Variants in ANKS1A observed in about 807,000 individuals in gnomAD.
The protein encoded by ANKS1A is ankyrin repeat and SAM domain-containing protein 1A.
Under a neutral mutation model 120.3 loss-of-function variants are expected in ANKS1A, and 55 were observed. That is an observed-to-expected ratio of 0.46 (90% CI 0.37 to 0.57). The LOEUF (loss-of-function observed/expected upper bound fraction) is 0.57. ANKS1A is among the 20% of genes least tolerant of loss of function. The pLI is 0.00. For missense variants in ANKS1A, 1,123 were observed against 1,480.3 expected (o/e 0.76, Z 3.96); for synonymous variants, 590 against 604.7 (o/e 0.98, Z 0.36).
intron 1 of ANKS1A, among the ~76,000 whole-genome samples, chr6:34,963,518 C>G (rs1561874418): frequency 2.6e-5 from 4 of 152,110 alleles, no homozygotes; most frequent in Admixed American, 2.0e-4. Flanking sequence ...ATTCATTTGT[C>G]CATTGATGGA....
At chr6:35,054,953 T>C (rs1350914170) in intron 12 of ANKS1A, among the ~76,000 whole-genome samples, 1 of 152,214 alleles carries the variant, frequency 6.6e-6, no homozygotes, top group Non-Finnish European at 1.5e-5. Context: ...CTGGCCTGTC[T>C]TCACCTTCAT....
At chr6:35,017,438 A>G (rs1039960926) in intron 10 of ANKS1A, 35 bp from the exon 11 acceptor site, 6 of 1,544,802 alleles carry the variant, frequency 3.9e-6, no homozygotes, top group Non-Finnish European at 5.2e-6. Context: ...GCCACGTTTA[A>G]TTTTTTATTT....
chr6:35,088,882 T>A lies in ANKS1A; in HGVS notation c.*273T>A, dbSNP rs1778146050. On this transcript the variant is annotated 3_prime_UTR_variant, in exon 24 of 24. Coordinates refer to ENST00000360359, the MANE Select transcript of ANKS1A (RefSeq NM_015245.3). The stretch of plus-strand genomic sequence containing the variant: ...TGACTTGTTCAGAACACATTGTTTT[T>A]AACAGAAAAAAAATCTTTTTATAAA... 4.2e-6 allele frequency: 6 copies of A among 1,414,456 alleles called. No homozygotes were observed. In the South Asian group the frequency reaches 9.4e-5, roughly 22 times the overall value. The allele number at this position is 1,414,456 out of a possible 1,614,324, so 87.6% of individuals were successfully genotyped here.
At chr6:35,023,069 C>T (rs1019201457) in intron 11 of ANKS1A, among the ~76,000 whole-genome samples, 12 of 152,124 alleles carry the variant, frequency 7.9e-5, no homozygotes, top group Admixed American at 7.2e-4. Flanking sequence ...ATTAATAGGC[C>T]AAGGGGTTGT....
chr6:35,092,984 G>A (rs1263961072), downstream of ANKS1A, among the ~76,000 whole-genome samples: 1 of 151,944 alleles, frequency 6.6e-6, no homozygotes, highest in Admixed American at 6.6e-5. Context: ...AGTCAGCCAT[G>A]GCCACCCCTG....
intron 1 of ANKS1A, among the ~76,000 whole-genome samples, chr6:34,950,457 G>T (rs1212481956): frequency 6.6e-6 from 1 of 151,932 alleles, no homozygotes; most frequent in African/African-American, 2.4e-5. Flanking sequence ...TTGAACTCCT[G>T]ACCTCAGGTG....
At position 34,889,945 on chromosome 6, in the gene ANKS1A, C is replaced by CA. The variant is rs1766718566; in HGVS notation, c.197+346_197+347insA. On this transcript the variant is annotated intron_variant, in intron 1 of 23. Coordinates refer to ENST00000360359, the MANE Select transcript of ANKS1A (RefSeq NM_015245.3). This position sits in a 1 kb window ranked among gnomAD's most constrained non-coding sequence, Gnocchi z 5.5. ...GCCAATTAAGAGCAAATATGTATAT[C>CA]TTATATATATATATATGAGATCTCC... Among the ~76,000 whole-genome samples, 3 of 151,828 alleles carry CA rather than the reference C, an allele frequency of 2.0e-5. No individual in the cohort carries two copies. Among genetic ancestry groups the CA allele is most frequent in the South Asian group, 2.1e-4 (1 of 4,820 alleles).
At chr6:35,055,065 A>G (rs949093578) in intron 12 of ANKS1A, among the ~76,000 whole-genome samples, 2 of 152,216 alleles carry the variant, frequency 1.3e-5, no homozygotes, top group African/African-American at 4.8e-5. Flanking sequence ...TAGTTCCTCC[A>G]TGGGCTTCTG....
chr6:35,085,233 A>G lies in ANKS1A; in HGVS notation c.3133-533A>G, dbSNP rs1028175046. 6.6e-6 allele frequency among the ~76,000 whole-genome samples: 1 copy of G among 152,162 alleles called. No homozygotes were observed. Among genetic ancestry groups the G allele is most frequent in the African/African-American group, 2.4e-5 (1 of 41,440 alleles). On this transcript the variant is annotated intron_variant, in intron 21 of 23. Transcript: ENST00000360359. The surrounding 1 kb of genome is among the most constrained non-coding windows in gnomAD (Gnocchi z 4.7). ...CTCAGGGGCCACTGTGAGATGGATG[A>G]GGTGGTCCACACAGCACAGTCAGTG...
At chr6:34,935,859 G>A (rs946483954) in intron 1 of ANKS1A, among the ~76,000 whole-genome samples, 1 of 151,602 alleles carries the variant, frequency 6.6e-6, no homozygotes, top group East Asian at 2.0e-4. Flanking sequence ...TCAGGAGATC[G>A]AGACCATCCC....
Position 35,060,193 on chromosome 6 carries a change from T to C in ANKS1A, c.2124T>C (p.Ile708=). 2.5e-6 allele frequency: 4 copies of C among 1,613,016 alleles called. No homozygotes were observed. Among genetic ancestry groups the C allele is most frequent in the Non-Finnish European group, 3.4e-6 (4 of 1,179,788 alleles). ...EQSVGEWLES[I]GLQQYESKLL... ...GTGTCGGGGAGTGGCTGGAGTCGAT[T>C]GGGCTGCAGCAGTATGAGAGCAAGT... is the stretch of plus-strand genomic sequence containing the variant. Residue 708 remains isoleucine, a synonymous_variant, in exon 13 of 24, where the codon ATT becomes ATC. Transcript: ENST00000360359. The surrounding 1 kb of genome is among the most constrained non-coding windows in gnomAD (Gnocchi z 4.5).
At chr6:34,918,946 G>A (rs1768305042) in intron 1 of ANKS1A, among the ~76,000 whole-genome samples, 1 of 152,162 alleles carries the variant, frequency 6.6e-6, no homozygotes, top group Non-Finnish European at 1.5e-5. Context: ...CCGCCTCCCG[G>A]GTTCAAGCGA....
chr6:34,974,963 C>G (rs1771480390), intron 3 of ANKS1A, among the ~76,000 whole-genome samples: 1 of 152,100 alleles, frequency 6.6e-6, no homozygotes, highest in Admixed American at 6.5e-5. Flanking sequence ...ATTGTTTTCC[C>G]AACAGTGGTT....
At chr6:35,015,272 A>G (rs1188595695) in intron 10 of ANKS1A, among the ~76,000 whole-genome samples, 1 of 152,180 alleles carries the variant, frequency 6.6e-6, no homozygotes, top group Non-Finnish European at 1.5e-5. Context: ...CAAGGCAGGC[A>G]GATCACTTGA....
intron 1 of ANKS1A, among the ~76,000 whole-genome samples, chr6:34,951,333 A>T (rs982852736): frequency 6.6e-6 from 1 of 152,100 alleles, no homozygotes; most frequent in Admixed American, 6.5e-5. Context: ...TTTTACATAC[A>T]TTATCCCATT....
At chr6:34,950,216 T>TTC (rs1281266944) in intron 1 of ANKS1A, among the ~76,000 whole-genome samples, 9 of 145,948 alleles carry the variant, frequency 6.2e-5, no homozygotes, top group South Asian at 2.1e-4. Flanking sequence ...GGTTTTTCTT[T>TTC]TCTCTCTTTT....
intron 13 of ANKS1A, among the ~76,000 whole-genome samples, chr6:35,077,923 C>G (rs1168603106): frequency 2.0e-5 from 3 of 152,214 alleles, no homozygotes; most frequent in African/African-American, 7.2e-5. Context: ...CACATCCTTG[C>G]ATCGTGCTTA....
intron 2 of ANKS1A, among the ~76,000 whole-genome samples, chr6:34,968,170 A>G (rs987916721): frequency 1.3e-5 from 2 of 152,180 alleles, no homozygotes; most frequent in African/African-American, 4.8e-5. Flanking sequence ...TCCTGAGTAT[A>G]GAGAAGTTAT....
chr6:34,920,971 T>A (rs1768405598), intron 1 of ANKS1A, among the ~76,000 whole-genome samples: 1 of 152,230 alleles, frequency 6.6e-6, no homozygotes, highest in Non-Finnish European at 1.5e-5. Flanking sequence ...GGGGAGGTAC[T>A]GAGTTGGCTA....
Sources: allele counts gnomAD v4.1 joint callset (sites outside exome capture counted in the v4.1 genomes callset), GRCh38; gene constraint gnomAD v4.1.1; non-coding constraint Gnocchi (gnomAD v3.1); transcripts MANE v1.5; gene names NCBI Gene and HGNC (gene_info 2026-07-23, HGNC 2026-07-21).